The following EML5 variants were observed in gnomAD, a reference collection of about 807,000 sequenced individuals.
EML5 encodes the protein echinoderm microtubule-associated protein-like 5.
In EML5, 120 loss-of-function variants were observed where a neutral mutation model predicts 250.0. The ratio of observed to expected loss-of-function variants is 0.48; its 90% CI spans 0.41 to 0.56. The LOEUF is 0.56. Ranked by LOEUF, EML5 falls within the 20% of genes least tolerant of loss-of-function variation. EML5 has a pLI of 0.00. For missense variants in EML5, 2,006 were observed against 2,437.6 expected (o/e 0.82, Z 3.73); for synonymous variants, 771 against 806.5 (o/e 0.96, Z 0.75).
At chr14:88,676,588 A>G (rs572707220) in intron 21 of EML5, among the ~76,000 whole-genome samples, 1 of 152,342 alleles carries the variant, frequency 6.6e-6, no homozygotes, top group East Asian at 1.9e-4. Context: ...TGCTATTCCC[A>G]ATAAACTACC....
intron 25 of EML5, among the ~76,000 whole-genome samples, chr14:88,659,337 A>C (rs1287678): frequency 6.6e-6 from 1 of 151,850 alleles, no homozygotes; most frequent in African/African-American, 2.4e-5. Context: ...CAGCCTCCCA[A>C]GTAGCTGGGA....
chr14:88,725,550 T>G (rs1391664815), intron 8 of EML5, among the ~76,000 whole-genome samples: 1 of 152,150 alleles, frequency 6.6e-6, no homozygotes, highest in African/African-American at 2.4e-5. Context: ...ACTGGGGTAC[T>G]GAGAAATAGG....
chr14:88,668,975 A>G lies in EML5; in HGVS notation c.3125-3486T>C, dbSNP rs192851268. Among the ~76,000 whole-genome samples the G allele has an allele frequency of 1.1e-4, 16 of 152,058 alleles. No individual in the cohort carries two copies. In the East Asian group the frequency reaches 3.1e-3, roughly 30 times the overall value. On this transcript the variant is annotated intron_variant, in intron 21 of 43. Transcript: ENST00000554922. ...TGAATCCTGCACCAGCAACTGAGGT[A>G]TCCAGGTTCTCTCATTGGGACTGAC... is the stretch of plus-strand genomic sequence containing the variant.
chr14:88,621,366 T>C, intron 37 of EML5, 65 bp from the exon 38 acceptor site: 2 of 1,589,724 alleles, frequency 1.3e-6, no homozygotes, highest in Non-Finnish European at 1.7e-6. Flanking sequence ...CTTCATAATA[T>C]AAAAATGACC....
chr14:88,687,741 A>T (rs990919406), intron 18 of EML5, among the ~76,000 whole-genome samples: 2 of 150,406 alleles, frequency 1.3e-5, no homozygotes, highest in African/African-American at 5.0e-5. Flanking sequence ...GCTTAAGAAC[A>T]TGAAGTTAAA....
chr14:88,661,839 G>GA lies in EML5; in HGVS notation c.3499-10dup. On this transcript the variant is annotated splice_polypyrimidine_tract_variant and intron_variant, in intron 24 of 43. Coordinates refer to ENST00000554922, the MANE Select transcript of EML5 (RefSeq NM_183387.3). ...CAAGCAATTTTTTCTACCTAAAAAT[G>GA]AAAAACAATGCTGTAAGTTTGGATT... 2 of 1,600,942 alleles carry GA rather than the reference G, an allele frequency of 1.2e-6. No individual in the cohort carries two copies. The highest frequency in any genetic ancestry group is 1.7e-6 in the Non-Finnish European group (2 of 1,173,178).
intron 16 of EML5, 59 bp from the exon 17 acceptor site, chr14:88,694,466 T>G: frequency 8.4e-7 from 1 of 1,192,100 alleles, no homozygotes; most frequent in Non-Finnish European, 1.2e-6. Flanking sequence ...TATTAATCTC[T>G]TGCCTAATCC....
chr14:88,746,335 A>G, intron 2 of EML5, 52 bp from the exon 3 acceptor site: 1 of 1,438,186 alleles, frequency 7.0e-7, no homozygotes, highest in Non-Finnish European at 9.7e-7. Flanking sequence ...AACAAATCAA[A>G]GAGAAACTGA....
intron 27 of EML5, among the ~76,000 whole-genome samples, chr14:88,656,296 G>A (rs2091866965): frequency 1.3e-5 from 2 of 152,106 alleles, no homozygotes; most frequent in African/African-American, 2.4e-5. Flanking sequence ...CATAAAAAAG[G>A]ATGAGTTCAT....
At position 88,612,725 on chromosome 14, in the gene EML5, C is replaced by T. The variant is rs771333779; in HGVS notation, c.*3093G>A. On this transcript the variant is annotated 3_prime_UTR_variant, in exon 44 of 44. Transcript: ENST00000554922. ...AGAACTATAATTACAGAGATCAGAT[C>T]AGATAGGTAAACTGCAAGATAGATA... is the stretch of plus-strand genomic sequence containing the variant. The T allele has an allele frequency of 4.6e-5, 7 of 152,494 alleles. No individual in the cohort carries two copies. The highest frequency in any genetic ancestry group is 7.2e-5 in the African/African-American group (3 of 41,414). 9.4% of individuals were successfully genotyped at this position (152,494 alleles called of 1,614,324 possible).
At chr14:88,726,441 AC>A (rs1268233978) in intron 8 of EML5, 99 bp downstream of exon 8, 2 of 947,550 alleles carry the variant, frequency 2.1e-6, no homozygotes, top group Non-Finnish European at 2.8e-6. Context: ...ATAGGTAAAA[AC>A]AACAAGTATT....
At position 88,615,866 on chromosome 14, in the gene EML5, G is replaced by A; in HGVS notation, c.5898-12C>T. 5 of 1,609,300 alleles carry A rather than the reference G, an allele frequency of 3.1e-6. No individual in the cohort carries two copies. The highest frequency in any genetic ancestry group is 1.1e-5 in the South Asian group (1 of 89,802). On this transcript the variant is annotated splice_polypyrimidine_tract_variant and intron_variant, in intron 43 of 43. Coordinates refer to ENST00000554922, the MANE Select transcript of EML5 (RefSeq NM_183387.3). Reference sequence around the variant, plus strand: ...TCCAGACAAATAAGCTGCAATCAGAGAAGAAAATTGCAGGGAGTTAATTAT... The same window carrying A: ...TCCAGACAAATAAGCTGCAATCAGAAAAGAAAATTGCAGGGAGTTAATTAT...
chr14:88,665,305 TAATACTC>T, intron 22 of EML5, 25 bp downstream of exon 22: 1 of 1,588,618 alleles, frequency 6.3e-7, no homozygotes, highest in Non-Finnish European at 8.6e-7. Flanking sequence ...AGACCCAAGT[TAATACTC>T]AAATACAATT....
intron 6 of EML5, among the ~76,000 whole-genome samples, chr14:88,737,905 T>C (rs2093868988): frequency 6.6e-6 from 1 of 152,198 alleles, no homozygotes; most frequent in Admixed American, 6.5e-5. Flanking sequence ...TAATAATCTT[T>C]TTACTTGTCT....
intron 14 of EML5, among the ~76,000 whole-genome samples, chr14:88,698,794 G>A (rs1416792653): frequency 6.6e-6 from 1 of 152,016 alleles, no homozygotes; most frequent in Non-Finnish European, 1.5e-5. Flanking sequence ...ATTGTCTACT[G>A]GACATCTCAC....
intron 17 of EML5, among the ~76,000 whole-genome samples, chr14:88,694,009 G>T (rs1331870950): frequency 6.6e-6 from 1 of 150,992 alleles, no homozygotes; most frequent in African/African-American, 2.4e-5. Flanking sequence ...CTAGGCTCAA[G>T]TGATCCTCCC....
chr14:88,746,010 T>G (rs1812749026), intron 3 of EML5, among the ~76,000 whole-genome samples, 175 bp downstream of exon 3: 1 of 152,210 alleles, frequency 6.6e-6, no homozygotes, highest in African/African-American at 2.4e-5. Flanking sequence ...ACAATACATA[T>G]GTACTCTAAC....
At chr14:88,772,469 T>C (rs2140623536) in intron 1 of EML5, among the ~76,000 whole-genome samples, 1 of 152,334 alleles carries the variant, frequency 6.6e-6, no homozygotes, top group Non-Finnish European at 1.5e-5. Flanking sequence ...TTGTAAGATA[T>C]ACCTTCGGCC....
chr14:88,775,938 G>C (rs1352528572), intron 1 of EML5, among the ~76,000 whole-genome samples: 1 of 151,230 alleles, frequency 6.6e-6, no homozygotes, highest in East Asian at 1.9e-4. Flanking sequence ...CATTTGTTTG[G>C]GAGAAAGTAA....
Sources: gnomAD v4.1 joint callset for allele counts (sites outside exome capture counted in the v4.1 genomes callset) on GRCh38, gnomAD v4.1.1 for gene constraint, MANE v1.5 for transcripts, NCBI Gene and HGNC (gene_info 2026-07-23, HGNC 2026-07-21) for gene names.